Variants in LOC128706665 observed in about 807,000 individuals in gnomAD.
At chr20:10,421,503 G>GTTCTATATT in the LOC128706665 span, among the ~76,000 whole-genome samples, 1 of 151,938 alleles carries the variant, frequency 6.6e-6, no homozygotes, top group Non-Finnish European at 1.5e-5. Context: ...AAGAATTTAG[G>GTTCTATATT]TTCTATATTC....
chr20:10,420,485 G>A, the LOC128706665 span: 2 of 152,164 alleles, frequency 1.3e-5, no homozygotes, highest in Non-Finnish European at 2.9e-5. Context: ...CCCATTGTTG[G>A]AATGTGCCAT....
the LOC128706665 span, among the ~76,000 whole-genome samples, chr20:10,423,746 C>CT: frequency 6.6e-6 from 1 of 152,140 alleles, no homozygotes; most frequent in African/African-American, 2.4e-5. Context: ...ATTACTCTTT[C>CT]CATTAGGATA....
At chr20:10,423,093 T>C in the LOC128706665 span, among the ~76,000 whole-genome samples, 2 of 152,084 alleles carry the variant, frequency 1.3e-5, no homozygotes, top group Admixed American at 6.5e-5. Flanking sequence ...TCAACATTTG[T>C]CAGCTTTTTT....
the LOC128706665 span, among the ~76,000 whole-genome samples, chr20:10,424,052 G>A: frequency 2.6e-5 from 4 of 152,180 alleles, no homozygotes; most frequent in Non-Finnish European, 5.9e-5. Context: ...AGAGGCTTGG[G>A]AAATGATTAG....
chr20:10,417,268 A>G, the LOC128706665 span, among the ~76,000 whole-genome samples: 5 of 151,598 alleles, frequency 3.3e-5, no homozygotes, highest in Non-Finnish European at 7.4e-5. Flanking sequence ...AAAAAAAATC[A>G]AAGGGGAACT....
the LOC128706665 span, among the ~76,000 whole-genome samples, chr20:10,421,030 A>G: frequency 2.6e-5 from 4 of 152,244 alleles, no homozygotes; most frequent in Admixed American, 2.6e-4. Context: ...TGGAAAAGCT[A>G]TATGAATCTT....
At chr20:10,421,792 A>T in the LOC128706665 span, among the ~76,000 whole-genome samples, 13 of 151,580 alleles carry the variant, frequency 8.6e-5, no homozygotes, top group Non-Finnish European at 1.3e-4. Flanking sequence ...ATATATATAT[A>T]TTTTAAATTT....
the LOC128706665 span, among the ~76,000 whole-genome samples, chr20:10,425,813 T>C: frequency 1.3e-5 from 2 of 152,214 alleles, no homozygotes; most frequent in Admixed American, 1.3e-4. Flanking sequence ...TTTTTTCCCT[T>C]CCTTACCCTC....
At chr20:10,430,650 T>TG in the LOC128706665 span, among the ~76,000 whole-genome samples, 3 of 152,146 alleles carry the variant, frequency 2.0e-5, no homozygotes, top group African/African-American at 7.2e-5. Flanking sequence ...CAGAGGTCTT[T>TG]GGGGTTTGAC....
At chr20:10,416,109 G>A in the LOC128706665 span, among the ~76,000 whole-genome samples, 2 of 152,170 alleles carry the variant, frequency 1.3e-5, no homozygotes, top group Non-Finnish European at 2.9e-5. Context: ...ACCATTAGAC[G>A]AATGGTCCTG....
chr20:10,427,238 A>T, the LOC128706665 span, among the ~76,000 whole-genome samples: 1 of 152,222 alleles, frequency 6.6e-6, no homozygotes, highest in African/African-American at 2.4e-5. Context: ...ACTTGGATGC[A>T]GGGAATGTTA....
At chr20:10,414,342 C>T in the LOC128706665 span, among the ~76,000 whole-genome samples, 12 of 149,892 alleles carry the variant, frequency 8.0e-5, no homozygotes, top group South Asian at 2.1e-4. Context: ...CTTGGCTCAC[C>T]ACAACCTCAG....
At chr20:10,433,663 T>C in the LOC128706665 span, among the ~76,000 whole-genome samples, 2 of 152,146 alleles carry the variant, frequency 1.3e-5, no homozygotes, top group African/African-American at 2.4e-5. Flanking sequence ...AGGGCCACGC[T>C]GCACAACGTC....
the LOC128706665 span, among the ~76,000 whole-genome samples, chr20:10,424,835 T>C: frequency 6.6e-6 from 1 of 152,088 alleles, no homozygotes; most frequent in African/African-American, 2.4e-5. Flanking sequence ...GTGGATCACC[T>C]GAGGTCAGGA....
the LOC128706665 span, among the ~76,000 whole-genome samples, chr20:10,425,279 T>G: frequency 6.6e-6 from 1 of 152,182 alleles, no homozygotes; most frequent in Non-Finnish European, 1.5e-5. Context: ...ATACAGCATT[T>G]GATTATAATG....
chr20:10,420,242 G>C, the LOC128706665 span, among the ~76,000 whole-genome samples: 3 of 152,092 alleles, frequency 2.0e-5, no homozygotes, highest in African/African-American at 7.2e-5. Flanking sequence ...ATATGTAATG[G>C]TAAGGAGTCA....
chr20:10,425,679 A>G, the LOC128706665 span, among the ~76,000 whole-genome samples: 75 of 152,364 alleles, frequency 4.9e-4, no homozygotes, highest in African/African-American at 1.8e-3. Flanking sequence ...AAGATTTCTC[A>G]AGAATAAGCT....
chr20:10,417,522 G>T, the LOC128706665 span, among the ~76,000 whole-genome samples: 1 of 152,204 alleles, frequency 6.6e-6, no homozygotes, highest in Non-Finnish European at 1.5e-5. Context: ...GAGGCTGGAG[G>T]ATGGCCTGTG....
the LOC128706665 span, among the ~76,000 whole-genome samples, chr20:10,431,025 G>A: frequency 8.5e-5 from 13 of 152,168 alleles, no homozygotes; most frequent in African/African-American, 3.1e-4. Context: ...TCAATGTCAT[G>A]ATCTGAAATA....
Sources: allele counts gnomAD v4.1 joint callset (sites outside exome capture counted in the v4.1 genomes callset), GRCh38; gene constraint gnomAD v4.1.1; transcripts MANE v1.5.